RAB31: variants seen among roughly 807,000 people sequenced by gnomAD.
RAB31 encodes the protein ras-related protein Rab-31.
RAB31 carries 21 observed loss-of-function variants against 25.6 expected under a neutral mutation model. The observed-to-expected ratio is 0.82, with a 90% CI of 0.58 to 1.18. RAB31 has a LOEUF of 1.18. RAB31 is among the 50% of genes most tolerant of loss of function. The pLI is 0.00. For synonymous variants in RAB31, 87 were observed against 84.0 expected (o/e 1.04, Z -0.20); for missense variants, 196 against 250.1 (o/e 0.78, Z 1.46).
At chr18:9,796,864 G>A (rs2068489083) in intron 3 of RAB31, among the ~76,000 whole-genome samples, 1 of 151,890 alleles carries the variant, frequency 6.6e-6, no homozygotes, top group Non-Finnish European at 1.5e-5. Flanking sequence ...TTCTGCTTTA[G>A]AATACATGCT....
At chr18:9,787,258 A>C (rs913016666) in intron 2 of RAB31, 6 of 218,938 alleles carry the variant, frequency 2.7e-5, no homozygotes, top group Non-Finnish European at 5.9e-5. Context: ...TTAGGGAAAA[A>C]CCTTACAAAT....
At chr18:9,746,940 C>T (rs866544757) in intron 1 of RAB31, among the ~76,000 whole-genome samples, 5 of 152,228 alleles carry the variant, frequency 3.3e-5, no homozygotes, top group East Asian at 1.9e-4. Flanking sequence ...AAATTAAAAA[C>T]GTGCATCAAA....
At chr18:9,728,896 A>G (rs2068108480) in intron 1 of RAB31, among the ~76,000 whole-genome samples, 1 of 152,178 alleles carries the variant, frequency 6.6e-6, no homozygotes, top group African/African-American at 2.4e-5. Context: ...ATGATAATCT[A>G]TTTTAATTTG....
At chr18:9,816,493 T>C (rs1329471387) in intron 5 of RAB31, among the ~76,000 whole-genome samples, 8 of 152,268 alleles carry the variant, frequency 5.3e-5, no homozygotes, top group Non-Finnish European at 1.2e-4. Flanking sequence ...GAATTCTTAA[T>C]ATTTTTCATA....
Position 9,770,488 on chromosome 18 carries a change from G to C in RAB31, c.40-4790G>C, listed in dbSNP as rs189551284. Among the ~76,000 whole-genome samples, 133 of 152,304 alleles carry C rather than the reference G, an allele frequency of 8.7e-4. 2 individuals are homozygous for C. The Middle Eastern group carries it at 0.017, about 19-fold the overall frequency. ...AAGTGTGACAATTCAAACAGCAGGG[G>C]TTGTCATTTCAGAATAAGTGGTTGT... On this transcript the variant is annotated intron_variant, in intron 1 of 6. Transcript: ENST00000578921.
At chr18:9,804,160 C>G (rs2068528017) in intron 3 of RAB31, among the ~76,000 whole-genome samples, 1 of 152,216 alleles carries the variant, frequency 6.6e-6, no homozygotes, top group Non-Finnish European at 1.5e-5. Flanking sequence ...CTGCCCTGCT[C>G]TTGCCCCTCG....
chr18:9,824,183 T>G (rs1218860669), intron 5 of RAB31, among the ~76,000 whole-genome samples: 1 of 152,148 alleles, frequency 6.6e-6, no homozygotes, highest in Non-Finnish European at 1.5e-5. Context: ...TAGATATGTG[T>G]GTGTAGATAT....
intron 1 of RAB31, among the ~76,000 whole-genome samples, chr18:9,726,715 A>G (rs1003776683): frequency 7.2e-5 from 11 of 152,154 alleles, no homozygotes; most frequent in South Asian, 2.1e-4. Context: ...AATACTGTAG[A>G]ACATCATTAT....
chr18:9,774,944 C>T (rs1165591922), intron 1 of RAB31: 7 of 526,382 alleles, frequency 1.3e-5, no homozygotes, highest in African/African-American at 5.7e-5. Flanking sequence ...GGTATGTTCA[C>T]GTACTTCTTC....
intron 5 of RAB31, among the ~76,000 whole-genome samples, chr18:9,841,368 T>A (rs1197287867): frequency 1.3e-5 from 2 of 151,416 alleles, no homozygotes; most frequent in Admixed American, 1.3e-4. Flanking sequence ...TGAAACCCCG[T>A]CTCTACTGAA....
chr18:9,858,291 G>A (rs2068829442), intron 6 of RAB31, among the ~76,000 whole-genome samples: 1 of 152,210 alleles, frequency 6.6e-6, no homozygotes, highest in African/African-American at 2.4e-5. Context: ...TTCACAGGGC[G>A]AGGTGAGGAT....
chr18:9,716,832 A>G (rs1370548505), intron 1 of RAB31, among the ~76,000 whole-genome samples: 1 of 151,642 alleles, frequency 6.6e-6, no homozygotes, highest in South Asian at 2.1e-4. Flanking sequence ...ATAGCCTCGA[A>G]CTCCTGGGCT....
intron 5 of RAB31, among the ~76,000 whole-genome samples, chr18:9,827,601 C>T (rs2068656305): frequency 7.0e-6 from 1 of 143,680 alleles, no homozygotes; most frequent in Non-Finnish European, 1.5e-5. Context: ...TCTGGTGCCT[C>T]TTACAGAAAC....
chr18:9,851,331 A>G (rs1288074677), intron 6 of RAB31, among the ~76,000 whole-genome samples: 1 of 152,234 alleles, frequency 6.6e-6, no homozygotes, highest in African/African-American at 2.4e-5. Context: ...CTTTTATTCC[A>G]GCAATTCTAA....
rs531257085 is a variant in RAB31, at chr18:9,782,708, T to C, written c.119+7351T>C. On this transcript the variant is annotated intron_variant, in intron 2 of 6. Coordinates refer to ENST00000578921, the MANE Select transcript of RAB31 (RefSeq NM_006868.4). ...GATGCCTGAGGTTCTTATTTGTTTA[T>C]TTGTTTGAGACAGGATCTTGCTCTG... 3.3e-5 allele frequency among the ~76,000 whole-genome samples: 5 copies of C among 152,222 alleles called. No homozygotes were observed. The South Asian group carries it at 6.2e-4, about 19-fold the overall frequency.
At chr18:9,825,176 C>G (rs1248133093) in intron 5 of RAB31, among the ~76,000 whole-genome samples, 1 of 152,196 alleles carries the variant, frequency 6.6e-6, no homozygotes, top group Admixed American at 6.5e-5. Flanking sequence ...ATCTGGGGTA[C>G]CAGCTGACTT....
intron 5 of RAB31, among the ~76,000 whole-genome samples, chr18:9,840,358 A>G (rs1255092960): frequency 6.6e-6 from 1 of 152,178 alleles, no homozygotes; most frequent in Admixed American, 6.5e-5. Flanking sequence ...CCCAGCATAT[A>G]GTAAACCCTA....
intron 3 of RAB31, among the ~76,000 whole-genome samples, chr18:9,810,645 C>T (rs547913349): frequency 2.4e-4 from 36 of 152,274 alleles, no homozygotes; most frequent in African/African-American, 8.7e-4. Context: ...ATACCAAGAT[C>T]GCTTCAATAA....
At chr18:9,832,080 G>C (rs992092068) in intron 5 of RAB31, among the ~76,000 whole-genome samples, 1 of 152,216 alleles carries the variant, frequency 6.6e-6, no homozygotes, top group African/African-American at 2.4e-5. Flanking sequence ...TACGCCGAGC[G>C]ATCTGGGCGT....
Sources: gnomAD v4.1 joint callset for allele counts (sites outside exome capture counted in the v4.1 genomes callset) on GRCh38, gnomAD v4.1.1 for gene constraint, MANE v1.5 for transcripts, NCBI Gene and HGNC (gene_info 2026-07-23, HGNC 2026-07-21) for gene names.